Variants in AKR1D1 observed in about 807,000 individuals in gnomAD.
AKR1D1 encodes delta(4)-3-ketosteroid 5-beta-reductase.
Under a neutral mutation model 42.6 loss-of-function variants are expected in AKR1D1, and 32 were observed. That is an observed-to-expected ratio of 0.75 (90% confidence interval 0.57 to 1.01). AKR1D1 has a LOEUF of 1.01. Among genes scored for constraint, AKR1D1 ranks in the 50% least tolerant of loss-of-function variants. The probability of loss-of-function intolerance (pLI) is 0.00; values close to 1 mark genes in which losing one functional copy is unlikely to be tolerated. For synonymous variants in AKR1D1, 123 were observed against 135.5 expected (o/e 0.91, Z 0.64); for missense variants, 364 against 402.2 (o/e 0.91, Z 0.81).
At chr7:138,089,859 G>T (rs1306419730) in intron 2 of AKR1D1, among the ~76,000 whole-genome samples, 1 of 152,202 alleles carries the variant, frequency 6.6e-6, no homozygotes. Flanking sequence ...CAATGTGGGG[G>T]TGATTAAGAG....
At chr7:138,085,924 A>G (rs897753518) in intron 1 of AKR1D1, among the ~76,000 whole-genome samples, 1 of 151,824 alleles carries the variant, frequency 6.6e-6, no homozygotes, top group African/African-American at 2.4e-5. Context: ...CTGAGATTCT[A>G]TTTACCATCT....
chr7:138,097,860 T>C lies in AKR1D1; in HGVS notation c.379-6T>C. On this transcript the variant is annotated splice_polypyrimidine_tract_variant and splice_region_variant and intron_variant, in intron 3 of 8. Transcript: ENST00000242375. ...ATTACATTTATTCTTTTTTTTTTTT[T>C]TTCAGCCAGGAGATGAAATATACCC... is the stretch of plus-strand genomic sequence containing the variant. 2 of 1,585,994 alleles carry C rather than the reference T, an allele frequency of 1.3e-6. No homozygotes were observed. Among genetic ancestry groups the C allele is most frequent in the South Asian group, 1.1e-5 (1 of 88,050 alleles).
intron 7 of AKR1D1, 91 bp from the exon 8 acceptor site, chr7:138,113,599 T>G: frequency 4.9e-6 from 5 of 1,030,752 alleles, no homozygotes; most frequent in Non-Finnish European, 7.5e-6. Context: ...GCAGAGATAT[T>G]CATACATCTT....
intron 7 of AKR1D1, 137 bp from the exon 8 acceptor site, chr7:138,113,553 G>GCC: frequency 1.4e-6 from 1 of 733,472 alleles, no homozygotes. Flanking sequence ...TCAGTGGGTA[G>GCC]CCCCCCAACA....
intron 4 of AKR1D1, among the ~76,000 whole-genome samples, chr7:138,098,801 G>C (rs143710126): frequency 9.5e-4 from 144 of 152,192 alleles, no homozygotes; most frequent in African/African-American, 3.3e-3. Context: ...CTCCGACCTA[G>C]AGTAGAAGTC....
At chr7:138,097,403 T>C (rs1487629669) in intron 3 of AKR1D1, among the ~76,000 whole-genome samples, 3 of 152,358 alleles carry the variant, frequency 2.0e-5, no homozygotes, top group African/African-American at 7.2e-5. Context: ...ATCAGAGTCC[T>C]ACAGAGAGCA....
intron 2 of AKR1D1, among the ~76,000 whole-genome samples, chr7:138,089,594 G>A (rs1290821498): frequency 6.6e-6 from 1 of 152,124 alleles, no homozygotes; most frequent in Non-Finnish European, 1.5e-5. Flanking sequence ...CAAGGAAAAG[G>A]TGGTCAAAAC....
chr7:138,081,752 C>T (rs867238741), intron 1 of AKR1D1, among the ~76,000 whole-genome samples: 34 of 151,828 alleles, frequency 2.2e-4, no homozygotes, highest in African/African-American at 8.0e-4. Flanking sequence ...CCAGCTAATT[C>T]TGTATTTTTA....
intron 1 of AKR1D1, among the ~76,000 whole-genome samples, chr7:138,087,347 T>C (rs1465880844): frequency 3.3e-5 from 5 of 152,188 alleles, no homozygotes; most frequent in African/African-American, 9.7e-5. Context: ...GGTTTCAACA[T>C]GAGTTTTGGA....
At chr7:138,080,314 C>G (rs1339882729) in intron 1 of AKR1D1, among the ~76,000 whole-genome samples, 1 of 152,118 alleles carries the variant, frequency 6.6e-6, no homozygotes, top group Non-Finnish European at 1.5e-5. Context: ...AAGCAACTCT[C>G]CCACCTTGGC....
At chr7:138,116,503 G>C in intron 8 of AKR1D1, 117 bp from the exon 9 acceptor site, 1 of 1,147,990 alleles carries the variant, frequency 8.7e-7, no homozygotes. Context: ...AGAAACAGCA[G>C]AGGAATGAAT....
intron 3 of AKR1D1, among the ~76,000 whole-genome samples, chr7:138,094,157 T>A (rs1032212815): frequency 6.6e-6 from 1 of 152,138 alleles, no homozygotes; most frequent in Non-Finnish European, 1.5e-5. Context: ...GAACCTATAA[T>A]TGGGAAATCA....
chr7:138,076,526 T>G lies in AKR1D1; in HGVS notation c.8T>G (p.Leu3Arg). MD[L>R]SAASHRIPLS... ...ACAGTCAGGTTCTCCACAATGGATC[T>G]CAGTGCTGCAAGTCACCGCATACCT... is the stretch of plus-strand genomic sequence containing the variant. Residue 3 changes from leucine (L) to arginine (R), a missense_variant, in exon 1 of 9, where the codon CTC (leucine) becomes CGC (arginine). By Grantham distance (102) the Leu-to-Arg change is moderately radical (BLOSUM62 -2). Coordinates refer to ENST00000242375, the MANE Select transcript of AKR1D1 (RefSeq NM_005989.4). 1 of 1,613,366 alleles carries G rather than the reference T, an allele frequency of 6.2e-7. No homozygotes were observed. Among genetic ancestry groups the G allele is most frequent in the Non-Finnish European group, 8.5e-7 (1 of 1,179,532 alleles).
intron 1 of AKR1D1, among the ~76,000 whole-genome samples, chr7:138,079,101 G>A (rs1266534399): frequency 4.6e-5 from 7 of 152,100 alleles, no homozygotes; most frequent in Non-Finnish European, 5.9e-5. Flanking sequence ...CAAAATGCTC[G>A]GATTACAGGC....
Position 138,088,660 on chromosome 7 carries a change from T to C in AKR1D1, c.153T>C (p.His51=). The change falls in exon 2 of 9, where the codon CAT becomes CAC. Residue 51 remains histidine (H), a synonymous_variant. Transcript: ENST00000242375. ...VKVAIDTGYR[H]IDGAYIYQNE... is the part of the protein sequence containing the mutation. ...TTGCTATTGACACAGGGTACCGACA[T>C]ATTGATGGGGCCTACATCTACCAAA... 1.2e-6 allele frequency: 2 copies of C among 1,614,058 alleles called. No homozygotes were observed. Among genetic ancestry groups the C allele is most frequent in the South Asian group, 2.2e-5 (2 of 91,078 alleles).
At chr7:138,093,820 T>C (rs560558373) in intron 3 of AKR1D1, among the ~76,000 whole-genome samples, 1 of 152,320 alleles carries the variant, frequency 6.6e-6, no homozygotes, top group East Asian at 1.9e-4. Context: ...TCTACTTTTA[T>C]ATACCTGGCA....
At position 138,113,777 on chromosome 7, in the gene AKR1D1, G is replaced by A; in HGVS notation, c.938+5G>A. 1 of 1,613,270 alleles carries A rather than the reference G, an allele frequency of 6.2e-7. No homozygotes were observed. Among genetic ancestry groups the A allele is most frequent in the South Asian group, 1.1e-5 (1 of 91,076 alleles). Reference sequence around the variant, plus strand: ...CCGCTTTGTAGAATTGCTCATGTAAGTTCCGGGGATCATTAATGGGTATTG... The same window carrying A: ...CCGCTTTGTAGAATTGCTCATGTAAATTCCGGGGATCATTAATGGGTATTG... On this transcript the variant is annotated splice_donor_5th_base_variant and intron_variant, in intron 8 of 8. Coordinates refer to ENST00000242375, the MANE Select transcript of AKR1D1 (RefSeq NM_005989.4).
chr7:138,080,708 C>T (rs1232768556), intron 1 of AKR1D1, among the ~76,000 whole-genome samples: 3 of 152,178 alleles, frequency 2.0e-5, no homozygotes, highest in African/African-American at 7.2e-5. Flanking sequence ...TTGGATACCA[C>T]TCATTTTGAT....
chr7:138,083,036 T>A (rs558549698), intron 1 of AKR1D1, among the ~76,000 whole-genome samples: 8 of 152,360 alleles, frequency 5.3e-5, no homozygotes, highest in African/African-American at 1.9e-4. Flanking sequence ...GTAGGATTGC[T>A]GGATCATATG....
Sources: allele counts gnomAD v4.1 joint callset (sites outside exome capture counted in the v4.1 genomes callset), GRCh38; gene constraint gnomAD v4.1.1; transcripts MANE v1.5; gene names NCBI Gene and HGNC (gene_info 2026-07-23, HGNC 2026-07-21).